CFAP299: variants seen among roughly 807,000 people sequenced by gnomAD.
CFAP299 encodes cilia- and flagella-associated protein 299.
Under a neutral mutation model 27.0 loss-of-function variants are expected in CFAP299, and 21 were observed. The observed-to-expected ratio is 0.78, with a 90% CI of 0.55 to 1.12. The LOEUF (loss-of-function observed/expected upper bound fraction) is 1.12. Ranked by LOEUF, CFAP299 falls within the 50% of genes most tolerant of loss-of-function variation. CFAP299 has a pLI of 0.00. For synonymous variants in CFAP299, 104 were observed against 98.1 expected (o/e 1.06, Z -0.36); for missense variants, 310 against 276.6 (o/e 1.12, Z -0.86).
chr4:80,615,919 G>A (rs1396735066), intron 3 of CFAP299, among the ~76,000 whole-genome samples: 2 of 151,930 alleles, frequency 1.3e-5, no homozygotes, highest in Admixed American at 1.3e-4. Flanking sequence ...TACCTTGCAG[G>A]GGCAGTCACT....
intron 3 of CFAP299, among the ~76,000 whole-genome samples, chr4:80,843,177 C>T (rs546929346): frequency 2.0e-5 from 3 of 152,064 alleles, no homozygotes; most frequent in South Asian, 2.1e-4. Flanking sequence ...CTGTGCTGCA[C>T]CCATTAACTC....
At chr4:80,739,667 T>C (rs1255562352) in intron 3 of CFAP299, among the ~76,000 whole-genome samples, 2 of 152,086 alleles carry the variant, frequency 1.3e-5, no homozygotes, top group Non-Finnish European at 2.9e-5. Flanking sequence ...TAGTCTTCTT[T>C]GGGTTAAATC....
chr4:80,674,416 T>A (rs1719257477), intron 3 of CFAP299, among the ~76,000 whole-genome samples: 1 of 152,238 alleles, frequency 6.6e-6, no homozygotes, highest in African/African-American at 2.4e-5. Context: ...GTCTTCCCTT[T>A]GTGGGTAACC....
chr4:80,519,176 ATATG>A (rs990364656), intron 2 of CFAP299, among the ~76,000 whole-genome samples: 96 of 121,926 alleles, frequency 7.9e-4, no homozygotes, highest in African/African-American at 4.5e-3. Context: ...TACTCTGTTA[ATATG>A]TGTGTGTGTG....
At chr4:80,612,956 A>G (rs993510302) in intron 3 of CFAP299, among the ~76,000 whole-genome samples, 1 of 152,160 alleles carries the variant, frequency 6.6e-6, no homozygotes, top group Non-Finnish European at 1.5e-5. Context: ...GAATTGCAAG[A>G]CTAACAGCCT....
At chr4:80,638,509 C>T (rs533655489) in intron 3 of CFAP299, among the ~76,000 whole-genome samples, 10 of 152,110 alleles carry the variant, frequency 6.6e-5, no homozygotes, top group East Asian at 1.9e-4. Context: ...TAGAGATCTC[C>T]GAAATCAGAA....
intron 2 of CFAP299, among the ~76,000 whole-genome samples, chr4:80,394,758 C>T (rs1473187390): frequency 6.6e-6 from 1 of 151,908 alleles, no homozygotes; most frequent in Non-Finnish European, 1.5e-5. Context: ...TTTTTCTGGG[C>T]TTTCTGTTCT....
chr4:80,429,923 G>A (rs902114050), intron 2 of CFAP299, among the ~76,000 whole-genome samples: 1 of 151,990 alleles, frequency 6.6e-6, no homozygotes, highest in African/African-American at 2.4e-5. Flanking sequence ...GAGGGCATTA[G>A]GAGTAAACAA....
chr4:80,884,858 G>A lies in CFAP299; in HGVS notation c.476+14723G>A, dbSNP rs532275781. Reference sequence around the variant, plus strand: ...TTAACAAGTATCTTCACACATAAAAGCACAATCACAACTGTTAACAATTGT... The same window carrying A: ...TTAACAAGTATCTTCACACATAAAAACACAATCACAACTGTTAACAATTGT... On this transcript the variant is annotated intron_variant, in intron 4 of 5. Coordinates refer to ENST00000358105, the MANE Select transcript of CFAP299 (RefSeq NM_152770.3). Among the ~76,000 whole-genome samples the A allele has an allele frequency of 2.4e-4, 37 of 152,180 alleles. No homozygotes were observed. In the South Asian group the frequency reaches 7.3e-3, roughly 30 times the overall value.
chr4:80,324,083 A>T, the CFAP299 span, among the ~76,000 whole-genome samples: 1 of 152,156 alleles, frequency 6.6e-6, no homozygotes, highest in Non-Finnish European at 1.5e-5. Context: ...CCCGTCATCT[A>T]GGTTTTAAGC....
chr4:80,641,873 C>A (rs1739743871), intron 3 of CFAP299, among the ~76,000 whole-genome samples: 1 of 152,148 alleles, frequency 6.6e-6, no homozygotes, highest in African/African-American at 2.4e-5. Context: ...AAGGTAAAAT[C>A]ACATGAAGTA....
rs144085438 is a variant in CFAP299, at chr4:80,822,878, T to G, written c.334-47115T>G. On this transcript the variant is annotated intron_variant, in intron 3 of 5. Coordinates refer to ENST00000358105, the MANE Select transcript of CFAP299 (RefSeq NM_152770.3). Reference sequence around the variant, plus strand: ...TATCTCTAAAATTATGGTTGAGTGATTCTAGCATATTGAAATATTTTGTTT... The same window carrying G: ...TATCTCTAAAATTATGGTTGAGTGAGTCTAGCATATTGAAATATTTTGTTT... Among the ~76,000 whole-genome samples the G allele has an allele frequency of 2.5e-3, 375 of 152,348 alleles. 5 individuals carry two copies. The highest frequency in any genetic ancestry group is 8.4e-3 in the African/African-American group (349 of 41,584).
chr4:80,365,931 C>A lies in CFAP299; in HGVS notation c.242+3047C>A, dbSNP rs74755119. Among the ~76,000 whole-genome samples the A allele has an allele frequency of 2.2e-3, 339 of 152,300 alleles. 1 individual carries two copies. The highest frequency in any genetic ancestry group is 4.0e-3 in the Non-Finnish European group (270 of 68,022). On this transcript the variant is annotated intron_variant, in intron 2 of 5. Coordinates refer to ENST00000358105, the MANE Select transcript of CFAP299 (RefSeq NM_152770.3). ...GTCAGAGCTGGAAGTCATCAGGCTA[C>A]TTATGAGCCAGTTTTGGGAGACTAA...
At chr4:80,364,431 A>G (rs1442841763) in intron 2 of CFAP299, among the ~76,000 whole-genome samples, 4 of 151,984 alleles carry the variant, frequency 2.6e-5, no homozygotes, top group East Asian at 3.9e-4. Context: ...GATTTCTCCA[A>G]CTTCCTCTTC....
intron 3 of CFAP299, among the ~76,000 whole-genome samples, chr4:80,714,180 A>G (rs1722341931): frequency 6.6e-6 from 1 of 152,076 alleles, no homozygotes; most frequent in South Asian, 2.1e-4. Flanking sequence ...GACTTTATAG[A>G]TCCTCCTCCT....
chr4:80,337,672 A>G (rs10434062), intron 1 of CFAP299, among the ~76,000 whole-genome samples: 10,165 of 152,256 alleles, frequency 0.067, 359 homozygotes, highest in Middle Eastern at 0.18. Context: ...TGCTGGAATT[A>G]CAGGTGTGAG....
At chr4:80,827,751 G>T (rs1348311384) in intron 3 of CFAP299, among the ~76,000 whole-genome samples, 1 of 151,810 alleles carries the variant, frequency 6.6e-6, no homozygotes, top group Non-Finnish European at 1.5e-5. Flanking sequence ...TGGAAAGGAG[G>T]AATAAAATTA....
At chr4:80,714,735 A>G (rs1475257685) in intron 3 of CFAP299, among the ~76,000 whole-genome samples, 2 of 152,152 alleles carry the variant, frequency 1.3e-5, no homozygotes, top group East Asian at 3.9e-4. Context: ...TGGAAACTAC[A>G]AAAGTTGTTC....
chr4:80,867,827 T>C (rs910312377), intron 3 of CFAP299, among the ~76,000 whole-genome samples: 1 of 152,236 alleles, frequency 6.6e-6, no homozygotes, highest in African/African-American at 2.4e-5. Flanking sequence ...TGTCAACATA[T>C]GAATTTGGGG....
Sources: gnomAD v4.1 joint callset for allele counts (sites outside exome capture counted in the v4.1 genomes callset) on GRCh38, gnomAD v4.1.1 for gene constraint, MANE v1.5 for transcripts, NCBI Gene and HGNC (gene_info 2026-07-23, HGNC 2026-07-21) for gene names.